The following NEURL1 variants were observed in gnomAD, a reference collection of about 807,000 sequenced individuals.
The protein encoded by NEURL1 is neuralized E3 ubiquitin protein ligase 1, also known as E3 ubiquitin-protein ligase NEURL1.
In NEURL1, 26 loss-of-function variants were observed where a neutral mutation model predicts 41.2. That is an observed-to-expected ratio of 0.63 (90% CI 0.46 to 0.87). The LOEUF is 0.87. Ranked by LOEUF, NEURL1 falls within the 40% of genes least tolerant of loss-of-function variation. NEURL1 has a pLI of 0.00. For synonymous variants in NEURL1, 400 were observed against 402.3 expected, an observed-to-expected ratio of 0.99 and a Z score of 0.07; for missense variants, 761 against 871.1, an observed-to-expected ratio of 0.87 and a Z score of 1.59.
intron 1 of NEURL1, among the ~76,000 whole-genome samples, chr10:103,555,597 C>G (rs1433364785): frequency 6.6e-6 from 1 of 152,040 alleles, no homozygotes; most frequent in African/African-American, 2.4e-5. Flanking sequence ...AGCAAGGGAG[C>G]TGGGTAGAGC....
intron 1 of NEURL1, chr10:103,555,208 C>T: frequency 1.5e-6 from 1 of 650,390 alleles, no homozygotes; most frequent in Non-Finnish European, 1.8e-6. Flanking sequence ...GCGCGTGTGC[C>T]GGAGGGGGCG....
chr10:103,577,236 G>T (rs1223008468), intron 3 of NEURL1, among the ~76,000 whole-genome samples: 1 of 152,052 alleles, frequency 6.6e-6, no homozygotes, highest in Non-Finnish European at 1.5e-5. Context: ...CCCAAATTCT[G>T]CCAGCTATAT....
At chr10:103,496,060 A>G (rs1476468849) in intron 1 of NEURL1, among the ~76,000 whole-genome samples, 1 of 151,832 alleles carries the variant, frequency 6.6e-6, no homozygotes, top group Non-Finnish European at 1.5e-5. Flanking sequence ...CAGTGAGCTG[A>G]GATCGTTCCA....
At chr10:103,494,525 A>T in intron 1 of NEURL1, 53 bp downstream of exon 1, 1 of 1,456,030 alleles carries the variant, frequency 6.9e-7, no homozygotes, top group Non-Finnish European at 9.2e-7. Context: ...GTGGAGGGCC[A>T]GGGAGGTGTG....
chr10:103,570,601 G>A (rs1285440969), intron 1 of NEURL1, among the ~76,000 whole-genome samples: 3 of 149,414 alleles, frequency 2.0e-5, no homozygotes, highest in Non-Finnish European at 4.5e-5. Flanking sequence ...GTGGGGAGAG[G>A]AGGTGGGAGA....
At chr10:103,561,713 C>A (rs988892538) in intron 1 of NEURL1, among the ~76,000 whole-genome samples, 2 of 152,182 alleles carry the variant, frequency 1.3e-5, no homozygotes, top group African/African-American at 4.8e-5. Context: ...ACCTGCCTTG[C>A]AGGGATTGGA....
rs1024403497 is a variant in NEURL1, at chr10:103,556,887, G to A, written c.86-13985G>A. On this transcript the variant is annotated intron_variant, in intron 1 of 5. Transcript: ENST00000369780. This position sits in a 1 kb window ranked among gnomAD's most constrained non-coding sequence, Gnocchi z 4.4. Reference sequence around the variant, plus strand: ...TTGGCAGAGGGTCTGGAGCCGACTGGCATTTTCCACTGGAGTCAGACTTGG... The same window carrying A: ...TTGGCAGAGGGTCTGGAGCCGACTGACATTTTCCACTGGAGTCAGACTTGG... Among the ~76,000 whole-genome samples, 4 of 152,200 alleles carry A rather than the reference G, an allele frequency of 2.6e-5. No individual in the cohort carries two copies. The highest frequency in any genetic ancestry group is 7.2e-5 in the African/African-American group (3 of 41,454).
intron 1 of NEURL1, among the ~76,000 whole-genome samples, chr10:103,533,458 C>T (rs1205441243): frequency 6.6e-6 from 1 of 151,794 alleles, no homozygotes; most frequent in Non-Finnish European, 1.5e-5. Context: ...CAACCTCTGC[C>T]TCCTAGGTTC....
At chr10:103,540,270 A>T (rs558617936) in intron 1 of NEURL1, among the ~76,000 whole-genome samples, 1 of 148,696 alleles carries the variant, frequency 6.7e-6, no homozygotes, top group Admixed American at 6.6e-5. Flanking sequence ...TGCTTTTAAA[A>T]TTTTCTTTTA....
chr10:103,548,448 G>C (rs2034968196), intron 1 of NEURL1, among the ~76,000 whole-genome samples: 1 of 151,804 alleles, frequency 6.6e-6, no homozygotes, highest in Admixed American at 6.6e-5. Flanking sequence ...TCGGCCTCCC[G>C]AGCAGCTGGG....
At chr10:103,503,945 A>G (rs1375206403) in intron 1 of NEURL1, among the ~76,000 whole-genome samples, 1 of 149,274 alleles carries the variant, frequency 6.7e-6, no homozygotes, top group African/African-American at 2.5e-5. Context: ...GTGCACCATC[A>G]TGCCTGGCTA....
At chr10:103,550,963 T>C (rs769101804) in intron 1 of NEURL1, 2 of 152,254 alleles carry the variant, frequency 1.3e-5, no homozygotes, top group Non-Finnish European at 2.9e-5. Flanking sequence ...GTAGCATTTA[T>C]AGCTTCTGCT....
intron 1 of NEURL1, among the ~76,000 whole-genome samples, chr10:103,499,859 C>A (rs1049649499): frequency 1.3e-5 from 2 of 152,138 alleles, no homozygotes; most frequent in East Asian, 3.8e-4. Flanking sequence ...TCTCTGCCTC[C>A]GGTCCCTCCT....
At chr10:103,534,286 A>T (rs187989735) in intron 1 of NEURL1, among the ~76,000 whole-genome samples, 1 of 148,078 alleles carries the variant, frequency 6.8e-6, no homozygotes, top group East Asian at 2.0e-4. Flanking sequence ...CTAGTGAGTT[A>T]TTATGTTCCT....
At chr10:103,551,633 G>A (rs889659959) in intron 1 of NEURL1, among the ~76,000 whole-genome samples, 1 of 152,144 alleles carries the variant, frequency 6.6e-6, no homozygotes, top group South Asian at 2.1e-4. Flanking sequence ...ATGCCCCAGT[G>A]AATAAAACAG....
At chr10:103,586,382 T>G (rs1030772460) in intron 4 of NEURL1, among the ~76,000 whole-genome samples, 5 of 152,122 alleles carry the variant, frequency 3.3e-5, no homozygotes, top group Non-Finnish European at 7.3e-5. Context: ...CCTATTAAAG[T>G]GCAGATTCTT....
chr10:103,523,455 CA>C (rs1381623422), intron 1 of NEURL1, among the ~76,000 whole-genome samples: 166 of 129,778 alleles, frequency 1.3e-3, no homozygotes, highest in South Asian at 8.4e-3. Flanking sequence ...GACCTTGTCT[CA>C]AAAAAAAAAA....
chr10:103,588,181 CTG>C (rs2133886951), intron 4 of NEURL1, among the ~76,000 whole-genome samples: 1 of 152,098 alleles, frequency 6.6e-6, no homozygotes, highest in South Asian at 2.1e-4. Flanking sequence ...TGGCAGGCGC[CTG>C]TAGTCCCAGC....
chr10:103,525,173 AT>A (rs929769502), intron 1 of NEURL1, among the ~76,000 whole-genome samples: 32 of 145,192 alleles, frequency 2.2e-4, no homozygotes, highest in East Asian at 1.0e-3. Flanking sequence ...TTATTCCTAG[AT>A]TTTTTTTTTG....
Sources: allele counts gnomAD v4.1 joint callset (sites outside exome capture counted in the v4.1 genomes callset), GRCh38; gene constraint gnomAD v4.1.1; non-coding constraint Gnocchi (gnomAD v3.1); transcripts MANE v1.5; gene names NCBI Gene and HGNC (gene_info 2026-07-23, HGNC 2026-07-21).